Variants in SEC24D observed in about 807,000 individuals in gnomAD.
SEC24D encodes protein transport protein Sec24D.
SEC24D carries 69 observed loss-of-function variants against 116.9 expected under a neutral mutation model. That is an observed-to-expected ratio of 0.59 (90% confidence interval 0.49 to 0.72). SEC24D has a LOEUF of 0.72. Among genes scored for constraint, SEC24D ranks in the 30% least tolerant of loss-of-function variants. The probability of loss-of-function intolerance (pLI) is 0.00; values close to 1 mark genes in which losing one functional copy is unlikely to be tolerated. For synonymous variants in SEC24D, 405 were observed against 442.8 expected, an observed-to-expected ratio of 0.91 and a Z score of 1.07; for missense variants, 1,131 against 1,264.1, an observed-to-expected ratio of 0.89 and a Z score of 1.60.
intron 2 of SEC24D, among the ~76,000 whole-genome samples, chr4:118,826,713 C>T (rs1329402430): frequency 1.3e-5 from 2 of 150,498 alleles, no homozygotes; most frequent in African/African-American, 4.9e-5. Flanking sequence ...TTCATGAAAA[C>T]CCCTATAGAC....
At chr4:118,795,886 C>T (rs748740262) in intron 8 of SEC24D, among the ~76,000 whole-genome samples, 5 of 152,162 alleles carry the variant, frequency 3.3e-5, no homozygotes, top group South Asian at 2.1e-4. Flanking sequence ...ACTCAATAAA[C>T]GTTCACTTAA....
chr4:118,800,155 A>G (rs987773583), intron 7 of SEC24D, among the ~76,000 whole-genome samples: 1 of 152,166 alleles, frequency 6.6e-6, no homozygotes, highest in Admixed American at 6.5e-5. Flanking sequence ...GGTGGGGTGC[A>G]TGGAATTTCC....
chr4:118,798,589 G>A (rs1282824052), intron 7 of SEC24D, among the ~76,000 whole-genome samples: 2 of 152,186 alleles, frequency 1.3e-5, no homozygotes, highest in Non-Finnish European at 2.9e-5. Context: ...CCCTGTCCTA[G>A]GTGCTTGCAG....
chr4:118,784,745 C>T (rs967743248), intron 8 of SEC24D, among the ~76,000 whole-genome samples: 1 of 150,972 alleles, frequency 6.6e-6, no homozygotes, highest in Non-Finnish European at 1.5e-5. Flanking sequence ...CCCTGCCCCC[C>T]CCCCCGCCAC....
chr4:118,733,617 A>C (rs563681562), intron 19 of SEC24D, among the ~76,000 whole-genome samples: 24 of 152,326 alleles, frequency 1.6e-4, no homozygotes, highest in Non-Finnish European at 3.1e-4. Flanking sequence ...TAGACATATA[A>C]ATACATAAAA....
At position 118,741,003 on chromosome 4, in the gene SEC24D, A is replaced by G; in HGVS notation, c.2030T>C (p.Leu677Pro). The change falls in exon 16 of 23, where the codon CTC (leucine) becomes CCC (proline). Residue 677 changes from leucine (L) to proline (P), a missense_variant. Coordinates refer to ENST00000280551, the MANE Select transcript of SEC24D (RefSeq NM_014822.4). ...TATTTTCTTTTCAATATCATTTCTG[A>G]GGTCGTTCAAAAATTGTTGTCTATC... Reference protein sequence around the residue: ...HLDRQQFLNDLRNDIEKKIGF... With the variant: ...HLDRQQFLNDPRNDIEKKIGF... The G allele has an allele frequency of 6.3e-7, 1 of 1,588,928 alleles. No individual in the cohort carries two copies. Among genetic ancestry groups the G allele is most frequent in the Non-Finnish European group, 8.6e-7 (1 of 1,165,212 alleles).
intron 15 of SEC24D, among the ~76,000 whole-genome samples, chr4:118,742,376 G>A (rs542435086): frequency 9.9e-5 from 15 of 151,916 alleles, no homozygotes; most frequent in Admixed American, 5.9e-4. Context: ...GGAAAAGTGG[G>A]GGGGGGAAAG....
intron 8 of SEC24D, among the ~76,000 whole-genome samples, chr4:118,793,539 GGT>G (rs1729040644): frequency 6.6e-6 from 1 of 151,024 alleles, no homozygotes; most frequent in Non-Finnish European, 1.5e-5. Flanking sequence ...CTAGCTAGCT[GGT>G]GTAGTAGAGC....
In SEC24D at chr4:118,752,816, A is replaced by T; in HGVS notation, c.1494T>A (p.Asn498Lys). The T allele has an allele frequency of 6.2e-7, 1 of 1,610,962 alleles. No individual in the cohort carries two copies. Among genetic ancestry groups the T allele is most frequent in the Non-Finnish European group, 8.5e-7 (1 of 1,178,834 alleles). The change falls in exon 12 of 23, where the codon AAT becomes AAA. Residue 498 changes from asparagine to lysine, a missense_variant. Asn to Lys is a moderately conservative substitution (Grantham distance 94). Coordinates refer to ENST00000280551, the MANE Select transcript of SEC24D (RefSeq NM_014822.4). ...GAGGCTGGGCCAGATTACTCTTCAC[A>T]TTAAAGAAATGGAGAACTTTGTTAT... The part of the protein sequence containing the change: ...ITYNKVLHFF[N>K]VKSNLAQPQM...
chr4:118,796,952 G>C (rs952785956), intron 8 of SEC24D, among the ~76,000 whole-genome samples: 4 of 152,182 alleles, frequency 2.6e-5, no homozygotes, highest in African/African-American at 9.7e-5. Flanking sequence ...GCTCCAGCTG[G>C]AAGTCAAGCT....
At chr4:118,792,612 A>C (rs1212505939) in intron 8 of SEC24D, among the ~76,000 whole-genome samples, 6 of 152,204 alleles carry the variant, frequency 3.9e-5, no homozygotes, top group Non-Finnish European at 1.5e-5. Flanking sequence ...TGCTCTCTGA[A>C]ACATGTGCTG....
intron 8 of SEC24D, among the ~76,000 whole-genome samples, chr4:118,789,996 G>A (rs1020697272): frequency 1.3e-5 from 2 of 152,172 alleles, no homozygotes; most frequent in Non-Finnish European, 2.9e-5. Context: ...CCCCATCAGA[G>A]CCTTTTTCAC....
intron 8 of SEC24D, among the ~76,000 whole-genome samples, chr4:118,797,350 C>T (rs901441565): frequency 5.3e-5 from 8 of 152,124 alleles, no homozygotes; most frequent in African/African-American, 1.7e-4. Context: ...AACAGAACAC[C>T]CACAATGTAA....
chr4:118,828,386 G>A (rs1730679729), intron 2 of SEC24D, among the ~76,000 whole-genome samples: 1 of 152,168 alleles, frequency 6.6e-6, no homozygotes. Flanking sequence ...TAGGATTACA[G>A]GCGTGAGCCA....
intron 18 of SEC24D, among the ~76,000 whole-genome samples, 186 bp downstream of exon 18, chr4:118,738,963 A>T (rs573591356): frequency 3.9e-4 from 59 of 152,294 alleles, no homozygotes; most frequent in African/African-American, 1.3e-3. Context: ...CAGACCCTGA[A>T]CTGAGTTACC....
chr4:118,728,199 A>G (rs2110426449), intron 22 of SEC24D, among the ~76,000 whole-genome samples: 1 of 152,356 alleles, frequency 6.6e-6, no homozygotes, highest in East Asian at 1.9e-4. Context: ...TAAACATTGT[A>G]ATAAATCAAA....
At chr4:118,778,484 G>A (rs1044593594) in intron 8 of SEC24D, among the ~76,000 whole-genome samples, 1 of 152,188 alleles carries the variant, frequency 6.6e-6, no homozygotes, top group African/African-American at 2.4e-5. Flanking sequence ...TTTGGTACCA[G>A]TACCACGCTG....
intron 13 of SEC24D, among the ~76,000 whole-genome samples, chr4:118,747,394 G>A (rs1726589840): frequency 6.6e-6 from 1 of 150,410 alleles, no homozygotes; most frequent in South Asian, 2.1e-4. Flanking sequence ...AGCCTCCCAA[G>A]TAACTGGGAT....
At chr4:118,790,000 T>C (rs1227864021) in intron 8 of SEC24D, among the ~76,000 whole-genome samples, 1 of 152,234 alleles carries the variant, frequency 6.6e-6, no homozygotes. Flanking sequence ...ATCAGAGCCT[T>C]TTTCACATTG....
Sources: gnomAD v4.1 joint callset for allele counts (sites outside exome capture counted in the v4.1 genomes callset) on GRCh38, gnomAD v4.1.1 for gene constraint, MANE v1.5 for transcripts, NCBI Gene and HGNC (gene_info 2026-07-23, HGNC 2026-07-21) for gene names.